DSCAM: variants seen among roughly 807,000 people sequenced by gnomAD.
DSCAM encodes the protein cell adhesion molecule DSCAM.
DSCAM carries 47 observed loss-of-function variants against 217.7 expected under a neutral mutation model. That is an observed-to-expected ratio of 0.22 (90% CI 0.17 to 0.28). DSCAM has a LOEUF of 0.28. Among genes scored for constraint, DSCAM ranks in the 10% least tolerant of loss-of-function variants. The probability of loss-of-function intolerance (pLI) is 1.00; values close to 1 mark genes in which losing one functional copy is unlikely to be tolerated. For missense variants in DSCAM, 2,080 were observed against 2,618.3 expected, an observed-to-expected ratio of 0.79 and a Z score of 4.49; for synonymous variants, 1,056 against 1,015.3, an observed-to-expected ratio of 1.04 and a Z score of -0.76.
At position 40,144,845 on chromosome 21, in the gene DSCAM, C is replaced by T; in HGVS notation, c.3019-114G>A. On this transcript the variant is annotated intron_variant, in intron 16 of 32. Transcript: ENST00000400454. This position sits in a 1 kb window ranked among gnomAD's most constrained non-coding sequence, Gnocchi z 4.8. ...ATAAAGTGGAGTCATCGCCACGATG[C>T]TGGGGCGGTGGTCCGGTAGCAGCCG... The T allele has an allele frequency of 6.9e-7, 1 of 1,445,580 alleles. No homozygotes were observed. The highest frequency in any genetic ancestry group is 9.4e-7 in the Non-Finnish European group (1 of 1,067,648). The allele number at this position is 1,445,580 out of a possible 1,614,324, so 89.5% of individuals were successfully genotyped here.
intron 14 of DSCAM, among the ~76,000 whole-genome samples, chr21:40,184,211 A>T (rs751299294): frequency 1.3e-5 from 2 of 152,200 alleles, no homozygotes; most frequent in Non-Finnish European, 2.9e-5. Flanking sequence ...CTAAAACTAC[A>T]CTCACTTAAA....
chr21:40,428,265 T>A (rs2075496096), intron 3 of DSCAM, among the ~76,000 whole-genome samples: 1 of 149,266 alleles, frequency 6.7e-6, no homozygotes, highest in Non-Finnish European at 1.5e-5. Context: ...TGTGTGTGTG[T>A]GTGTGTGTGT....
intron 3 of DSCAM, among the ~76,000 whole-genome samples, chr21:40,594,254 A>G (rs1407117093): frequency 6.6e-6 from 1 of 152,234 alleles, no homozygotes; most frequent in Non-Finnish European, 1.5e-5. Context: ...TACACTGTGC[A>G]ATAGAGTCTG....
chr21:40,683,944 G>A lies in DSCAM; in HGVS notation c.508+8866C>T, dbSNP rs188223444. ...AATCAGTGAAGAGCTGGTTAAGACC[G>A]GGCCACGCACGGTGGCTCACACCTA... On this transcript the variant is annotated intron_variant, in intron 3 of 32. Transcript: ENST00000400454. Among the ~76,000 whole-genome samples, 152 of 152,132 alleles carry A rather than the reference G, an allele frequency of 1.0e-3. 1 individual carries two copies. The East Asian group carries it at 0.018, about 18-fold the overall frequency.
chr21:40,620,343 A>AAG lies in DSCAM; in HGVS notation c.508+72465_508+72466dup, dbSNP rs1196692110. Among the ~76,000 whole-genome samples the AAG allele has an allele frequency of 4.4e-5, 6 of 134,904 alleles. 1 individual carries two copies. Among genetic ancestry groups the AAG allele is most frequent in the African/African-American group, 5.8e-5 (2 of 34,308 alleles). The allele number at this position is 134,904 out of a possible 152,430, so 88.5% of individuals were successfully genotyped here. ...GAGAGAGAAAAAAGAAAAAGAAAGA[A>AAG]AGAGAAAGAGAGAGAAAAAAGAAAA... On this transcript the variant is annotated intron_variant, in intron 3 of 32. Coordinates refer to ENST00000400454, the MANE Select transcript of DSCAM (RefSeq NM_001389.5).
chr21:40,241,917 G>A (rs1267773178), intron 11 of DSCAM, among the ~76,000 whole-genome samples: 2 of 152,160 alleles, frequency 1.3e-5, no homozygotes, highest in African/African-American at 2.4e-5. Context: ...CATGCCACAT[G>A]TTATCACTTA....
At chr21:40,132,923 C>T (rs1481152397) in intron 19 of DSCAM, among the ~76,000 whole-genome samples, 1 of 152,136 alleles carries the variant, frequency 6.6e-6, no homozygotes, top group Non-Finnish European at 1.5e-5. Context: ...CCAGCAATGG[C>T]CAACAGCTTT....
intron 3 of DSCAM, among the ~76,000 whole-genome samples, chr21:40,405,422 G>A (rs1814234247): frequency 6.6e-6 from 1 of 152,002 alleles, no homozygotes; most frequent in Non-Finnish European, 1.5e-5. Flanking sequence ...CAGTAGAAAA[G>A]CCACATGGCA....
intron 9 of DSCAM, among the ~76,000 whole-genome samples, chr21:40,301,162 C>A (rs1195394692): frequency 6.6e-6 from 1 of 152,188 alleles, no homozygotes; most frequent in East Asian, 1.9e-4. Context: ...TCTCAGCCCC[C>A]TAACTGGTCT....
intron 11 of DSCAM, among the ~76,000 whole-genome samples, chr21:40,214,746 A>C (rs1305901071): frequency 3.3e-5 from 5 of 151,526 alleles, no homozygotes; most frequent in Non-Finnish European, 5.9e-5. Flanking sequence ...AAAAAAAAAA[A>C]AAAAAACAAA....
intron 1 of DSCAM, among the ~76,000 whole-genome samples, chr21:40,791,287 C>A (rs947110028): frequency 6.6e-6 from 1 of 152,170 alleles, no homozygotes; most frequent in Non-Finnish European, 1.5e-5. Context: ...CCAAGAAGCT[C>A]TAATAAAGCG....
At chr21:40,839,520 G>T (rs1329617610) in intron 1 of DSCAM, among the ~76,000 whole-genome samples, 1 of 152,098 alleles carries the variant, frequency 6.6e-6, no homozygotes, top group Admixed American at 6.6e-5. Flanking sequence ...TATATATATT[G>T]CCTTCTCATC....
At chr21:40,382,031 C>CA (rs1385877101) in intron 3 of DSCAM, among the ~76,000 whole-genome samples, 1 of 152,010 alleles carries the variant, frequency 6.6e-6, no homozygotes, top group Non-Finnish European at 1.5e-5. Flanking sequence ...TGAGTCAGAG[C>CA]AAAAAATGTT....
At chr21:40,624,971 T>C in intron 3 of DSCAM, among the ~76,000 whole-genome samples, 1 of 152,338 alleles carries the variant, frequency 6.6e-6, no homozygotes, top group East Asian at 1.9e-4. Context: ...AGAGTATATT[T>C]ATTATGTTAG....
chr21:40,699,072 C>A (rs2146462908), intron 2 of DSCAM, among the ~76,000 whole-genome samples: 1 of 152,242 alleles, frequency 6.6e-6, no homozygotes, highest in East Asian at 1.9e-4. Context: ...ATTTTTCCAG[C>A]AGCATGAACT....
At chr21:40,763,932 AT>A (rs2091361031) in intron 1 of DSCAM, among the ~76,000 whole-genome samples, 1 of 152,234 alleles carries the variant, frequency 6.6e-6, no homozygotes, top group Non-Finnish European at 1.5e-5. Flanking sequence ...TAAACCTTAT[AT>A]AAAAATTAAC....
At chr21:40,433,635 GGCTA>G (rs2075556684) in intron 3 of DSCAM, among the ~76,000 whole-genome samples, 1 of 152,194 alleles carries the variant, frequency 6.6e-6, no homozygotes, top group Non-Finnish European at 1.5e-5. Flanking sequence ...TTAGGGAAAT[GGCTA>G]GCAAGAGACT....
At chr21:40,198,475 G>C (rs2091038073) in intron 11 of DSCAM, among the ~76,000 whole-genome samples, 2 of 152,176 alleles carry the variant, frequency 1.3e-5, no homozygotes, top group African/African-American at 2.4e-5. Context: ...GGGACGTGTA[G>C]TCAGGCCTCT....
chr21:40,269,812 C>A (rs540988259), intron 11 of DSCAM, among the ~76,000 whole-genome samples: 1 of 152,312 alleles, frequency 6.6e-6, no homozygotes, highest in Non-Finnish European at 1.5e-5. Flanking sequence ...GATTAGGGAT[C>A]CGGCGGCCTA....
Sources: allele counts gnomAD v4.1 joint callset (sites outside exome capture counted in the v4.1 genomes callset), GRCh38; gene constraint gnomAD v4.1.1; non-coding constraint Gnocchi (gnomAD v3.1); transcripts MANE v1.5; gene names NCBI Gene and HGNC (gene_info 2026-07-23, HGNC 2026-07-21).